The following ATL3 variants were observed in gnomAD, a reference collection of about 807,000 sequenced individuals.
The protein encoded by ATL3 is atlastin-3.
Under a neutral mutation model 69.5 loss-of-function variants are expected in ATL3, and 49 were observed. The observed-to-expected ratio is 0.71, with a 90% CI of 0.56 to 0.89. The LOEUF (loss-of-function observed/expected upper bound fraction) is 0.89. Ranked by LOEUF, ATL3 falls within the 40% of genes least tolerant of loss-of-function variation. The probability of loss-of-function intolerance (pLI) is 0.00; values close to 1 mark genes in which losing one functional copy is unlikely to be tolerated. For missense variants in ATL3, 606 were observed against 645.7 expected (o/e 0.94, Z 0.67); for synonymous variants, 214 against 224.1 (o/e 0.95, Z 0.40).
intron 8 of ATL3, among the ~76,000 whole-genome samples, chr11:63,640,138 G>A (rs1939647116): frequency 6.6e-6 from 1 of 152,122 alleles, no homozygotes; most frequent in Admixed American, 6.6e-5. Flanking sequence ...ATGTTGGTCA[G>A]GCTGGTCTGG....
chr11:63,636,868 A>G (rs1299114854), intron 8 of ATL3, among the ~76,000 whole-genome samples: 1 of 152,220 alleles, frequency 6.6e-6, no homozygotes, highest in East Asian at 1.9e-4. Flanking sequence ...TCCCCACTGT[A>G]GTAGAAAGTC....
intron 3 of ATL3, among the ~76,000 whole-genome samples, chr11:63,654,460 C>T (rs984452813): frequency 1.1e-3 from 162 of 151,970 alleles, no homozygotes; most frequent in African/African-American, 3.8e-3. Flanking sequence ...TACAATGGCA[C>T]GATCTTGGCT....
chr11:63,628,995 G>A lies in ATL3; in HGVS notation c.*324C>T. The A allele has an allele frequency of 3.5e-6, 1 of 284,918 alleles. No homozygotes were observed. Among genetic ancestry groups the A allele is most frequent in the East Asian group, 6.4e-5 (1 of 15,726 alleles). The allele number at this position is 284,918 out of a possible 1,614,324, so 17.6% of individuals were successfully genotyped here. On this transcript the variant is annotated 3_prime_UTR_variant, in exon 13 of 13. Transcript: ENST00000398868. ...AATCAATCTTAAAAGGCACTAAGTG[G>A]CACATAAAGAACTTAAAAGCTGCAT...
At chr11:63,662,981 C>T (rs1196959864) in intron 1 of ATL3, among the ~76,000 whole-genome samples, 1 of 152,178 alleles carries the variant, frequency 6.6e-6, no homozygotes, top group Non-Finnish European at 1.5e-5. Flanking sequence ...TTTGTCTAAC[C>T]AGCACTGAAG....
At chr11:63,630,934 G>T in intron 12 of ATL3, 106 bp downstream of exon 12, 1 of 1,118,182 alleles carries the variant, frequency 8.9e-7, no homozygotes, top group Non-Finnish European at 1.3e-6. Flanking sequence ...AGTGGCCACT[G>T]TCTCATGTCT....
At chr11:63,649,177 G>A (rs1939988795) in intron 5 of ATL3, among the ~76,000 whole-genome samples, 1 of 152,122 alleles carries the variant, frequency 6.6e-6, no homozygotes, top group Admixed American at 6.5e-5. Context: ...AACTTATTTG[G>A]AAACAAAACC....
At chr11:63,658,652 C>A (rs1218690655) in intron 3 of ATL3, 109 bp downstream of exon 3, 1 of 1,231,310 alleles carries the variant, frequency 8.1e-7, no homozygotes, top group South Asian at 2.0e-5. Flanking sequence ...TTACTTTACC[C>A]ATTTTAAATT....
chr11:63,671,473 G>A (rs889614900), upstream of ATL3: 52 of 1,470,586 alleles, frequency 3.5e-5, no homozygotes, highest in Admixed American at 1.4e-3. Context: ...GGTGGGGCAC[G>A]CGGAGCCGCG....
chr11:63,632,466 T>C, intron 11 of ATL3: 1 of 843,240 alleles, frequency 1.2e-6, no homozygotes, highest in Non-Finnish European at 2.1e-6. Context: ...CAAATATTTG[T>C]AAAAGAGTAA....
intron 1 of ATL3, among the ~76,000 whole-genome samples, chr11:63,668,746 C>G (rs1940667959): frequency 6.7e-6 from 1 of 149,604 alleles, no homozygotes; most frequent in African/African-American, 2.5e-5. Flanking sequence ...GTATCTCTTT[C>G]CTAAGAATAA....
chr11:63,648,417 G>T (rs999720898), intron 5 of ATL3, among the ~76,000 whole-genome samples: 1 of 152,208 alleles, frequency 6.6e-6, no homozygotes, highest in Admixed American at 6.5e-5. Context: ...ACCTCATTGT[G>T]ATCCAAACCA....
At chr11:63,666,035 C>T (rs1164315794) in intron 1 of ATL3, among the ~76,000 whole-genome samples, 4 of 152,146 alleles carry the variant, frequency 2.6e-5, no homozygotes, top group East Asian at 1.9e-4. Flanking sequence ...GCTAGAGGTG[C>T]GGTGGTGCAA....
intron 5 of ATL3, among the ~76,000 whole-genome samples, chr11:63,649,698 A>AT (rs1010045016): frequency 2.0e-4 from 29 of 145,540 alleles, no homozygotes; most frequent in South Asian, 1.3e-3. Flanking sequence ...CACCCAGCTA[A>AT]TTTTTTTTTT....
chr11:63,669,300 C>T (rs970431690), intron 1 of ATL3, among the ~76,000 whole-genome samples: 9 of 152,050 alleles, frequency 5.9e-5, no homozygotes, highest in African/African-American at 9.6e-5. Flanking sequence ...TTTGGGAGGC[C>T]GAGCTAGGAG....
intron 1 of ATL3, among the ~76,000 whole-genome samples, chr11:63,669,492 G>A (rs1171249819): frequency 1.3e-5 from 2 of 151,816 alleles, no homozygotes; most frequent in African/African-American, 4.8e-5. Flanking sequence ...CAGAGATCGC[G>A]CCATTGCACT....
In ATL3 at chr11:63,626,169, CAG is replaced by C. The variant is rs1442296822; in HGVS notation, c.*3148_*3149del. 6.6e-6 allele frequency: 1 copy of C among 151,486 alleles called. No individual in the cohort carries two copies. The highest frequency in any genetic ancestry group is 6.6e-5 in the Admixed American group (1 of 15,180). 9.4% of individuals were successfully genotyped at this position (151,486 alleles called of 1,614,324 possible). Reference sequence around the variant, plus strand: ...CTGGGGGGAGTGGATCACCTGAGGTCAGGAGTTTGAGACCAGCCTGGCCAACA... The same window carrying C: ...CTGGGGGGAGTGGATCACCTGAGGTCGAGTTTGAGACCAGCCTGGCCAACA... On this transcript the variant is annotated 3_prime_UTR_variant, in exon 13 of 13. Coordinates refer to ENST00000398868, the MANE Select transcript of ATL3 (RefSeq NM_015459.5).
In ATL3 at chr11:63,630,328, G is replaced by C. The variant is rs144851457; in HGVS notation, c.1539+712C>G. On this transcript the variant is annotated intron_variant, in intron 12 of 12. Transcript: ENST00000398868. Reference sequence around the variant, plus strand: ...TAATCCCAGCTACTCTTGGGAGGCTGAGGCAAGAGAATCACTTGAACCCAG... The same window carrying C: ...TAATCCCAGCTACTCTTGGGAGGCTCAGGCAAGAGAATCACTTGAACCCAG... 1.1e-3 allele frequency among the ~76,000 whole-genome samples: 164 copies of C among 150,532 alleles called. 1 individual carries two copies. In the East Asian group the frequency reaches 0.025, roughly 23 times the overall value.
rs745644667 is a variant in ATL3, at chr11:63,631,441, G to T, written c.1138C>A (p.Pro380Thr). ...VCGGEKPYLS[P>T]DILEEKHCEF... ...CAGTGCTTCTCCTCTAGAATGTCTGGAGACAAATAAGGTTTCTCTCCCCCA... is the reference window on the plus strand; with the variant it reads ...CAGTGCTTCTCCTCTAGAATGTCTGTAGACAAATAAGGTTTCTCTCCCCCA... Residue 380 changes from proline (P) to threonine (T), a missense_variant, in exon 12 of 13, where the codon CCA becomes ACA. Transcript: ENST00000398868. The T allele has an allele frequency of 5.0e-6, 8 of 1,611,664 alleles. No individual in the cohort carries two copies. In the Admixed American group the frequency reaches 1.3e-4, roughly 27 times the overall value.
At chr11:63,645,544 G>A (rs1364446452) in intron 6 of ATL3, among the ~76,000 whole-genome samples, 1 of 151,444 alleles carries the variant, frequency 6.6e-6, no homozygotes, top group African/African-American at 2.4e-5. Context: ...TTTTTGCAGA[G>A]AGAGAGAGAG....
Sources: allele counts gnomAD v4.1 joint callset (sites outside exome capture counted in the v4.1 genomes callset), GRCh38; gene constraint gnomAD v4.1.1; transcripts MANE v1.5; gene names NCBI Gene and HGNC (gene_info 2026-07-23, HGNC 2026-07-21).